PTPRT: variants seen among roughly 807,000 people sequenced by gnomAD.
PTPRT encodes the protein receptor-type tyrosine-protein phosphatase T.
In PTPRT, 56 loss-of-function variants were observed where a neutral mutation model predicts 176.8. The ratio of observed to expected loss-of-function variants is 0.32; its 90% CI spans 0.26 to 0.40. PTPRT has a LOEUF of 0.40. PTPRT is among the 10% of genes least tolerant of loss of function. The pLI, the probability that PTPRT is intolerant of heterozygous loss-of-function variation, is 1.00. For synonymous variants in PTPRT, 783 were observed against 739.0 expected, an observed-to-expected ratio of 1.06 and a Z score of -0.96; for missense variants, 1,540 against 1,908.2, an observed-to-expected ratio of 0.81 and a Z score of 3.60.
At chr20:43,061,387 C>T (rs544064356) in intron 1 of PTPRT, among the ~76,000 whole-genome samples, 78 of 152,324 alleles carry the variant, frequency 5.1e-4, no homozygotes, top group Admixed American at 3.0e-3. Flanking sequence ...CAGAACTCAA[C>T]GGTCTTGAGT....
intron 16 of PTPRT, among the ~76,000 whole-genome samples, chr20:42,164,889 GC>G (rs948040739): frequency 6.6e-6 from 1 of 152,080 alleles, no homozygotes; most frequent in Non-Finnish European, 1.5e-5. Flanking sequence ...CTCCTCACCA[GC>G]CCCTTAATTC....
intron 7 of PTPRT, among the ~76,000 whole-genome samples, chr20:42,483,362 C>T (rs547831114): frequency 2.0e-5 from 3 of 152,268 alleles, no homozygotes; most frequent in African/African-American, 7.2e-5. Context: ...TGGGGTTTCA[C>T]CACATTGGCC....
At chr20:42,981,588 C>T (rs1032712601) in intron 1 of PTPRT, among the ~76,000 whole-genome samples, 5 of 152,204 alleles carry the variant, frequency 3.3e-5, no homozygotes, top group Non-Finnish European at 1.5e-5. Flanking sequence ...GGATGGGAAC[C>T]CACATGGAGG....
chr20:42,781,394 T>C (rs2077213461), intron 3 of PTPRT, among the ~76,000 whole-genome samples: 1 of 152,102 alleles, frequency 6.6e-6, no homozygotes. Flanking sequence ...AAAGAGGGGC[T>C]GACTTCTAAC....
intron 18 of PTPRT, among the ~76,000 whole-genome samples, chr20:42,141,526 G>T (rs1371228391): frequency 2.6e-5 from 4 of 152,180 alleles, no homozygotes; most frequent in African/African-American, 9.7e-5. Flanking sequence ...AGGAGCTTCT[G>T]GGAACACAGA....
intron 1 of PTPRT, among the ~76,000 whole-genome samples, chr20:42,962,875 T>C (rs1453060734): frequency 6.6e-6 from 1 of 152,126 alleles, no homozygotes; most frequent in African/African-American, 2.4e-5. Context: ...AAGACCAGCC[T>C]GGCCAACATG....
intron 1 of PTPRT, among the ~76,000 whole-genome samples, chr20:43,070,865 G>GC (rs1472781341): frequency 6.6e-6 from 1 of 151,112 alleles, no homozygotes; most frequent in African/African-American, 2.4e-5. Flanking sequence ...TACACCTAAT[G>GC]TAAATGACGA....
At chr20:42,916,363 G>A (rs140006377) in intron 1 of PTPRT, among the ~76,000 whole-genome samples, 2 of 151,866 alleles carry the variant, frequency 1.3e-5, no homozygotes, top group South Asian at 2.1e-4. Flanking sequence ...CCAGTCTATC[G>A]TTCTTGGACA....
At chr20:42,086,747 A>ATATATATATATATATATATATATATATAT (rs59722053) in intron 27 of PTPRT, among the ~76,000 whole-genome samples, 1 of 58,760 alleles carries the variant, frequency 1.7e-5, no homozygotes, top group African/African-American at 7.7e-5. Context: ...AAAAAAAAAA[A>ATATATATATATATATATATATATATATAT]AAAAAAATAT....
intron 1 of PTPRT, among the ~76,000 whole-genome samples, chr20:43,144,434 T>C (rs1600745277): frequency 6.6e-6 from 1 of 152,140 alleles, no homozygotes; most frequent in African/African-American, 2.4e-5. Context: ...ACCTAATCCC[T>C]TCTATCCCCA....
chr20:42,440,460 G>T (rs903397264), intron 9 of PTPRT, among the ~76,000 whole-genome samples: 2 of 151,458 alleles, frequency 1.3e-5, no homozygotes, highest in African/African-American at 2.4e-5. Flanking sequence ...AATAAATATA[G>T]CATATATTAG....
intron 16 of PTPRT, among the ~76,000 whole-genome samples, chr20:42,192,290 A>G (rs151185326): frequency 5.9e-4 from 90 of 152,212 alleles, no homozygotes; most frequent in African/African-American, 2.0e-3. Context: ...AATCTTTACA[A>G]AGAGTTTACC....
At chr20:42,108,156 C>A (rs1185039172) in intron 23 of PTPRT, among the ~76,000 whole-genome samples, 1 of 152,160 alleles carries the variant, frequency 6.6e-6, no homozygotes, top group Non-Finnish European at 1.5e-5. Flanking sequence ...TCAGCGGTGA[C>A]CAAGTTGCCT....
chr20:42,052,017 G>T, the PTPRT span, among the ~76,000 whole-genome samples: 6 of 152,164 alleles, frequency 3.9e-5, no homozygotes, highest in African/African-American at 1.4e-4. Context: ...TGTTTGTGTG[G>T]GTTTCAAATC....
At chr20:42,352,599 G>A (rs1049834843) in intron 9 of PTPRT, among the ~76,000 whole-genome samples, 1 of 152,130 alleles carries the variant, frequency 6.6e-6, no homozygotes, top group African/African-American at 2.4e-5. Flanking sequence ...ACCGGGTGGG[G>A]GGATGGTTAA....
At chr20:42,873,763 G>A (rs1186893432) in intron 2 of PTPRT, among the ~76,000 whole-genome samples, 3 of 152,190 alleles carry the variant, frequency 2.0e-5, no homozygotes, top group East Asian at 1.9e-4. Context: ...AGCCATGTGC[G>A]GCTAATGACC....
At chr20:43,063,179 T>C (rs958301855) in intron 1 of PTPRT, 3 of 152,182 alleles carry the variant, frequency 2.0e-5, no homozygotes, top group South Asian at 2.1e-4. Context: ...GCAAATCGTA[T>C]GTGAAAATGA....
At chr20:43,114,368 G>A (rs2146347179) in intron 1 of PTPRT, among the ~76,000 whole-genome samples, 1 of 152,048 alleles carries the variant, frequency 6.6e-6, no homozygotes, top group South Asian at 2.1e-4. Context: ...TGTGCCTTTG[G>A]GCAAGTCAAT....
At chr20:42,394,426 T>G (rs2058829464) in intron 9 of PTPRT, among the ~76,000 whole-genome samples, 1 of 152,144 alleles carries the variant, frequency 6.6e-6, no homozygotes, top group African/African-American at 2.4e-5. Flanking sequence ...AAGAGATTCT[T>G]AGGAAGGGAT....
Sources: allele counts gnomAD v4.1 joint callset (sites outside exome capture counted in the v4.1 genomes callset), GRCh38; gene constraint gnomAD v4.1.1; transcripts MANE v1.5; gene names NCBI Gene and HGNC (gene_info 2026-07-23, HGNC 2026-07-21).